The following SNX8 variants were observed in gnomAD, a reference collection of about 807,000 sequenced individuals.
SNX8 encodes sorting nexin-8.
Under a neutral mutation model 51.6 loss-of-function variants are expected in SNX8, and 25 were observed. That is an observed-to-expected ratio of 0.48 (90% CI 0.35 to 0.68). SNX8 has a LOEUF of 0.68. Ranked by LOEUF, SNX8 falls within the 30% of genes least tolerant of loss-of-function variation. The probability of loss-of-function intolerance (pLI) is 0.00; values close to 1 mark genes in which losing one functional copy is unlikely to be tolerated. For missense variants in SNX8, 695 were observed against 624.0 expected (o/e 1.11, Z -1.21); for synonymous variants, 324 against 277.0 (o/e 1.17, Z -1.68).
chr7:2,284,022 T>G (rs1309219254), intron 1 of SNX8, among the ~76,000 whole-genome samples: 1 of 152,112 alleles, frequency 6.6e-6, no homozygotes, highest in African/African-American at 2.4e-5. Flanking sequence ...CCTGAACTCC[T>G]GACCTCAAGT....
intron 1 of SNX8, among the ~76,000 whole-genome samples, chr7:2,291,391 A>C (rs1796148155): frequency 6.6e-6 from 1 of 152,154 alleles, no homozygotes; most frequent in Non-Finnish European, 1.5e-5. Context: ...TGAGCTCAGG[A>C]GTTCGAGACC....
intron 1 of SNX8, among the ~76,000 whole-genome samples, chr7:2,285,545 T>C (rs1214726366): frequency 6.6e-6 from 1 of 152,166 alleles, no homozygotes; most frequent in Non-Finnish European, 1.5e-5. Flanking sequence ...GGAACGCCCC[T>C]CGAACATGGA....
At chr7:2,326,534 C>T (rs558220272) in intron 1 of SNX8, among the ~76,000 whole-genome samples, 183 of 151,772 alleles carry the variant, frequency 1.2e-3, no homozygotes, top group African/African-American at 4.2e-3. Context: ...GGCGTGGTGG[C>T]GGGAGTCTGT....
intron 1 of SNX8, among the ~76,000 whole-genome samples, chr7:2,285,482 T>C (rs1209343978): frequency 6.6e-6 from 1 of 152,138 alleles, no homozygotes; most frequent in Non-Finnish European, 1.5e-5. Context: ...ATCCATATTA[T>C]AGCCATGGCA....
chr7:2,342,634 A>C (rs1191078940), intron 1 of SNX8, among the ~76,000 whole-genome samples: 1 of 150,492 alleles, frequency 6.6e-6, no homozygotes, highest in African/African-American at 2.4e-5. Flanking sequence ...AGCCTAGGCG[A>C]CAGAGCGAGA....
chr7:2,309,210 C>T (rs1057244122), intron 1 of SNX8, among the ~76,000 whole-genome samples: 2 of 152,148 alleles, frequency 1.3e-5, no homozygotes, highest in East Asian at 3.9e-4. Flanking sequence ...CAGGTGTGAG[C>T]CACCACACCC....
Position 2,275,186 on chromosome 7 carries a change from A to G in SNX8, c.344T>C (p.Val115Ala), listed in dbSNP as rs1371917563. The G allele has an allele frequency of 1.7e-5, 27 of 1,613,998 alleles. No individual in the cohort carries two copies. The highest frequency in any genetic ancestry group is 2.7e-5 in the African/African-American group (2 of 74,920). ...SVYRRYNDFV[V>A]FQEMLLHKFP... ...CTTGTGCAGGAGCATCTCCTGGAAG[A>G]CCACGAAGTCATTGTACCGTCTGTA... Residue 115 changes from valine (V) to alanine (A), a missense_variant, in exon 3 of 11, where the codon GTC (valine) becomes GCC (alanine). Val to Ala is a moderately conservative substitution (Grantham distance 64, BLOSUM62 0). Coordinates refer to ENST00000222990, the MANE Select transcript of SNX8 (RefSeq NM_013321.4).
chr7:2,261,815 C>T (rs1399303192), intron 7 of SNX8, among the ~76,000 whole-genome samples: 2 of 152,340 alleles, frequency 1.3e-5, no homozygotes, highest in East Asian at 1.9e-4. Context: ...GCACGAAAAA[C>T]GTCACGGGCA....
At chr7:2,323,743 A>G (rs1778579374) in intron 1 of SNX8, among the ~76,000 whole-genome samples, 2 of 152,224 alleles carry the variant, frequency 1.3e-5, no homozygotes, top group Non-Finnish European at 2.9e-5. Flanking sequence ...AGAAGCCAGG[A>G]CAGCACCAAA....
chr7:2,344,611 C>CAA lies in SNX8; in HGVS notation c.-66+9609_-66+9610dup, dbSNP rs11370817. Among the ~76,000 whole-genome samples, 521 of 134,218 alleles carry CAA rather than the reference C, an allele frequency of 3.9e-3. 6 individuals carry two copies. The highest frequency in any genetic ancestry group is 9.9e-3 in the East Asian group (45 of 4,548). The allele number at this position is 134,218 out of a possible 152,430, so 88.1% of individuals were successfully genotyped here. On this transcript the variant is annotated intron_variant, in intron 1 of 5. Transcript: ENST00000435336. ...TGGGTGACAGAGCGAGACTCCAACT[C>CAA]AAAAAAAAAAAAAAAATTATAAAGT... is the stretch of plus-strand genomic sequence containing the variant.
intron 1 of SNX8, among the ~76,000 whole-genome samples, chr7:2,311,941 A>G (rs1796667505): frequency 6.7e-6 from 1 of 148,204 alleles, no homozygotes; most frequent in South Asian, 2.1e-4. Flanking sequence ...CGTCTCAAGA[A>G]AAAAAAAAAA....
chr7:2,276,916 G>A (rs1371317667), intron 2 of SNX8, among the ~76,000 whole-genome samples: 1 of 152,234 alleles, frequency 6.6e-6, no homozygotes, highest in Non-Finnish European at 1.5e-5. Flanking sequence ...CTGCACTCCA[G>A]CCTGGTTGAC....
chr7:2,270,629 G>A (rs556350887), intron 4 of SNX8, among the ~76,000 whole-genome samples: 1 of 151,994 alleles, frequency 6.6e-6, no homozygotes, highest in South Asian at 2.1e-4. Context: ...TCCTCTGCTG[G>A]CAATGCAGAT....
At position 2,251,965 on chromosome 7, in the gene SNX8, T is replaced by A. The variant is rs1443193794; in HGVS notation, c.*3091A>T. ...CTGACATCCCTTGGCTCGGAGTCCC[T>A]GTGCCCCATGTCAGAGCCCTAAACC... On this transcript the variant is annotated 3_prime_UTR_variant, in exon 11 of 11. Transcript: ENST00000222990. 1 of 152,254 alleles carries A rather than the reference T, an allele frequency of 6.6e-6. No homozygotes were observed. The highest frequency in any genetic ancestry group is 1.5e-5 in the Non-Finnish European group (1 of 68,076). The allele number at this position is 152,254 out of a possible 1,614,324, so 9.4% of individuals were successfully genotyped here. A position where few individuals can be genotyped will look rare whatever the true frequency, so the allele number is the denominator to read the frequency against.
chr7:2,322,118 T>C (rs1233696505), intron 1 of SNX8, among the ~76,000 whole-genome samples: 1 of 152,216 alleles, frequency 6.6e-6, no homozygotes, highest in Non-Finnish European at 1.5e-5. Context: ...GTAGTGCTTT[T>C]CATTTAGGAA....
At position 2,278,133 on chromosome 7, in the gene SNX8, G is replaced by T. The variant is rs759129958; in HGVS notation, c.267C>A (p.Phe89Leu). 1 of 1,614,140 alleles carries T rather than the reference G, an allele frequency of 6.2e-7. No homozygotes were observed. The highest frequency in any genetic ancestry group is 8.5e-7 in the Non-Finnish European group (1 of 1,180,014). ...AAACCTCATACTCCACATGCTTCAGGAAGAGGCCCTTCTTCTCCGGAATGA... is the reference window on the plus strand; with the variant it reads ...AAACCTCATACTCCACATGCTTCAGTAAGAGGCCCTTCTTCTCCGGAATGA... The part of the protein sequence containing the change: ...VELIPEKKGL[F>L]LKHVEYEVSS... The change falls in exon 2 of 11, where the codon TTC becomes TTA. Residue 89 changes from phenylalanine (F) to leucine (L), a missense_variant. Coordinates refer to ENST00000222990, the MANE Select transcript of SNX8 (RefSeq NM_013321.4).
chr7:2,327,143 T>C (rs1383726636), intron 1 of SNX8, among the ~76,000 whole-genome samples: 1 of 152,140 alleles, frequency 6.6e-6, no homozygotes, highest in Non-Finnish European at 1.5e-5. Flanking sequence ...AGGGGGTTCC[T>C]GGTTTGTGAA....
intron 1 of SNX8, among the ~76,000 whole-genome samples, chr7:2,335,065 G>A (rs1285798336): frequency 1.3e-5 from 2 of 151,260 alleles, no homozygotes; most frequent in African/African-American, 4.9e-5. Context: ...GTGTGGTTGT[G>A]TGCGCCTGTA....
At chr7:2,269,949 C>G (rs566631368) in intron 4 of SNX8, among the ~76,000 whole-genome samples, 1 of 152,102 alleles carries the variant, frequency 6.6e-6, no homozygotes, top group African/African-American at 2.4e-5. Flanking sequence ...AGACCAGGGG[C>G]GGCTCTGCAG....
Sources: gnomAD v4.1 joint callset for allele counts (sites outside exome capture counted in the v4.1 genomes callset) on GRCh38, gnomAD v4.1.1 for gene constraint, MANE v1.5 for transcripts, NCBI Gene and HGNC (gene_info 2026-07-23, HGNC 2026-07-21) for gene names.